BRD3: variants seen among roughly 807,000 people sequenced by gnomAD.
BRD3 encodes the protein bromodomain containing 3, also known as bromodomain-containing protein 3.
BRD3 carries 17 observed loss-of-function variants against 66.8 expected under a neutral mutation model. The ratio of observed to expected loss-of-function variants is 0.25; its 90% confidence interval spans 0.17 to 0.38. The LOEUF is 0.38. Among genes scored for constraint, BRD3 ranks in the 10% least tolerant of loss-of-function variants. BRD3 has a pLI of 1.00. For missense variants in BRD3, 713 were observed against 956.1 expected, an observed-to-expected ratio of 0.75 and a Z score of 3.35; for synonymous variants, 421 against 393.2, an observed-to-expected ratio of 1.07 and a Z score of -0.84.
At chr9:134,062,025 T>C (rs1830553617) in intron 1 of BRD3, among the ~76,000 whole-genome samples, 1 of 152,224 alleles carries the variant, frequency 6.6e-6, no homozygotes, top group East Asian at 1.9e-4. Flanking sequence ...AAACTGGATC[T>C]GTCAGGGCAG....
chr9:134,064,500 C>T (rs1017108662), intron 1 of BRD3, among the ~76,000 whole-genome samples: 1 of 152,136 alleles, frequency 6.6e-6, no homozygotes, highest in Non-Finnish European at 1.5e-5. Flanking sequence ...GAAATCATGC[C>T]ATTACACACC....
chr9:134,059,888 C>T (rs138588215), intron 1 of BRD3, among the ~76,000 whole-genome samples: 1,821 of 152,322 alleles, frequency 0.012, 11 homozygotes, highest in South Asian at 0.018. Context: ...CCTCAGCAAA[C>T]GCACTCCATC....
At chr9:134,038,717 G>A (rs989978398) in intron 9 of BRD3, among the ~76,000 whole-genome samples, 5 of 152,238 alleles carry the variant, frequency 3.3e-5, no homozygotes, top group African/African-American at 4.8e-5. Context: ...TTAACGTGAC[G>A]CTCAAAGGAA....
chr9:134,033,004 C>T lies in BRD3; in HGVS notation c.*586G>A, dbSNP rs188136801. The T allele has an allele frequency of 1.8e-5, 7 of 397,700 alleles. No homozygotes were observed. Among genetic ancestry groups the T allele is most frequent in the African/African-American group, 1.2e-4 (6 of 48,554 alleles). The allele number at this position is 397,700 out of a possible 1,614,324, so 24.6% of individuals were successfully genotyped here. A position where few individuals can be genotyped will look rare whatever the true frequency, so the allele number is the denominator to read the frequency against. On this transcript the variant is annotated 3_prime_UTR_variant, in exon 12 of 12. Transcript: ENST00000303407. The surrounding 1 kb of genome is among the most constrained non-coding windows in gnomAD (Gnocchi z 5.1). ...GAACGCACATCCCACCCGACCACCCCCCAAGGGCTCCACGCTCCGGGCTGG... is the reference window on the plus strand; with the variant it reads ...GAACGCACATCCCACCCGACCACCCTCCAAGGGCTCCACGCTCCGGGCTGG...
chr9:134,044,241 G>C (rs1588281910), intron 7 of BRD3, among the ~76,000 whole-genome samples: 1 of 152,224 alleles, frequency 6.6e-6, no homozygotes, highest in East Asian at 1.9e-4. Context: ...AGTGCACAGA[G>C]AGGGTGGCAA....
At chr9:134,066,082 A>C (rs1830645490) in intron 1 of BRD3, among the ~76,000 whole-genome samples, 1 of 152,142 alleles carries the variant, frequency 6.6e-6, no homozygotes, top group Admixed American at 6.5e-5. Context: ...ACAAAAATAA[A>C]AATGGAGTGA....
intron 5 of BRD3, among the ~76,000 whole-genome samples, chr9:134,049,323 C>T (rs1830243012): frequency 6.6e-6 from 1 of 152,220 alleles, no homozygotes; most frequent in Non-Finnish European, 1.5e-5. Context: ...GCTCAGCCAG[C>T]TTCTAATCTT....
rs1554829351 is a variant in BRD3, at chr9:134,051,847, A to ATATGTGTGTGTGTGTG, written c.352-139_352-138insCACACACACACACATA. 8 of 516,854 alleles carry ATATGTGTGTGTGTGTG rather than the reference A, an allele frequency of 1.5e-5. No homozygotes were observed. In the African/African-American group the frequency reaches 2.3e-4, roughly 15 times the overall value. The allele number at this position is 516,854 out of a possible 1,614,324, so 32.0% of individuals were successfully genotyped here. A position where few individuals can be genotyped will look rare whatever the true frequency, so the allele number is the denominator to read the frequency against. On this transcript the variant is annotated intron_variant, in intron 3 of 11. Transcript: ENST00000303407. ...GCGCAGGAGAGAACAAAATGAATAT[A>ATATGTGTGTGTGTGTG]TGTGTGTGTGTGTGTGTGTGTGTGT...
intron 3 of BRD3, among the ~76,000 whole-genome samples, 162 bp from the exon 4 acceptor site, chr9:134,051,871 G>GTTTTTTTTTTTTTTTTTTTTT (rs1564555774): frequency 9.0e-6 from 1 of 110,506 alleles, no homozygotes; most frequent in African/African-American, 4.3e-5. Flanking sequence ...GTGTGTGTGT[G>GTTTTTTTTTTTTTTTTTTTTT]TGTGTGTTGT....
At chr9:134,034,880 G>C in intron 10 of BRD3, 51 bp from the exon 11 acceptor site, 3 of 1,605,088 alleles carry the variant, frequency 1.9e-6, no homozygotes, top group Non-Finnish European at 2.5e-6. Flanking sequence ...CGATGGGGCA[G>C]GAGCCAGGGC....
chr9:134,052,257 G>T (rs764181911), intron 3 of BRD3, 49 bp downstream of exon 3: 1 of 1,601,978 alleles, frequency 6.2e-7, no homozygotes, highest in Non-Finnish European at 8.5e-7. Flanking sequence ...GCGTTGCACA[G>T]CGCCCCAATC....
intron 1 of BRD3, among the ~76,000 whole-genome samples, chr9:134,064,444 C>A (rs945825124): frequency 2.0e-5 from 3 of 151,834 alleles, no homozygotes; most frequent in Non-Finnish European, 4.4e-5. Context: ...GCAGGCTGAG[C>A]CAGGGAGAAT....
chr9:134,065,705 G>C (rs577375299), intron 1 of BRD3, among the ~76,000 whole-genome samples: 45 of 152,294 alleles, frequency 3.0e-4, no homozygotes, highest in African/African-American at 1.1e-3. Flanking sequence ...ACTGGGCATA[G>C]CTGTTGGTTT....
intron 1 of BRD3, among the ~76,000 whole-genome samples, chr9:134,064,373 T>TA (rs925655882): frequency 5.3e-5 from 8 of 150,964 alleles, no homozygotes; most frequent in African/African-American, 1.5e-4. Context: ...ACTAAAAAAT[T>TA]AAAAAAAATT....
At chr9:134,039,971 A>G (rs1830004717) in intron 9 of BRD3, 63 bp downstream of exon 9, 13 of 1,527,224 alleles carry the variant, frequency 8.5e-6, no homozygotes. Context: ...CACTGCTGCT[A>G]CATGAGCCCC....
chr9:134,054,651 T>C (rs1189513514), intron 1 of BRD3, among the ~76,000 whole-genome samples: 4 of 152,244 alleles, frequency 2.6e-5, no homozygotes, highest in East Asian at 3.9e-4. Context: ...AGCTCTGCCA[T>C]GGGAGGAGCC....
intron 2 of BRD3, 133 bp downstream of exon 2, chr9:134,053,132 A>T: frequency 1.0e-6 from 1 of 995,146 alleles, no homozygotes; most frequent in Non-Finnish European, 1.5e-6. Context: ...GGACTTCCTG[A>T]GGCACAGGCT....
chr9:134,058,369 A>T (rs537741639), intron 1 of BRD3: 2 of 152,446 alleles, frequency 1.3e-5, no homozygotes, highest in African/African-American at 4.8e-5. Context: ...GTGGACGAAC[A>T]GAGGTAACAT....
chr9:134,051,490 C>T (rs558513117), intron 4 of BRD3, 72 bp downstream of exon 4: 17 of 1,402,378 alleles, frequency 1.2e-5, no homozygotes, highest in African/African-American at 6.1e-5. Context: ...GCTAAAGGAT[C>T]GCGTCCCAGC....
Sources: gnomAD v4.1 joint callset for allele counts (sites outside exome capture counted in the v4.1 genomes callset) on GRCh38, gnomAD v4.1.1 for gene constraint, Gnocchi (gnomAD v3.1) non-coding constraint, MANE v1.5 for transcripts, NCBI Gene and HGNC (gene_info 2026-07-23, HGNC 2026-07-21) for gene names.